ABCA10: variants seen among roughly 807,000 people sequenced by gnomAD.
ABCA10 encodes ATP-binding cassette sub-family A member 10.
ABCA10 carries 169 observed loss-of-function variants against 187.5 expected under a neutral mutation model. The observed-to-expected ratio is 0.90, with a 90% CI of 0.80 to 1.02. The LOEUF is 1.02. Among genes scored for constraint, ABCA10 ranks in the 50% least tolerant of loss-of-function variants. The probability of loss-of-function intolerance (pLI) is 0.00; values close to 1 mark genes in which losing one functional copy is unlikely to be tolerated. For missense variants in ABCA10, 1,727 were observed against 1,812.4 expected, an observed-to-expected ratio of 0.95 and a Z score of 0.86; for synonymous variants, 574 against 601.8, an observed-to-expected ratio of 0.95 and a Z score of 0.68.
chr17:69,216,856 T>C (rs1231676899), intron 6 of ABCA10, among the ~76,000 whole-genome samples: 1 of 152,204 alleles, frequency 6.6e-6, no homozygotes, highest in Non-Finnish European at 1.5e-5. Context: ...CATTTCATTT[T>C]TTATCCTTGT....
At chr17:69,152,306 T>G in intron 35 of ABCA10, 56 bp downstream of exon 35, 2 of 1,585,212 alleles carry the variant, frequency 1.3e-6, no homozygotes, top group South Asian at 2.4e-5. Flanking sequence ...CATAGCAAAC[T>G]GAAACTCTCT....
At chr17:69,212,253 C>T (rs1489929066) in intron 9 of ABCA10, among the ~76,000 whole-genome samples, 1 of 152,056 alleles carries the variant, frequency 6.6e-6, no homozygotes, top group Non-Finnish European at 1.5e-5. Context: ...CATTCAGGAG[C>T]AGGTTATTTA....
chr17:69,166,445 A>C (rs1347547437), intron 25 of ABCA10, among the ~76,000 whole-genome samples: 4 of 152,162 alleles, frequency 2.6e-5, no homozygotes, highest in Non-Finnish European at 5.9e-5. Flanking sequence ...GGACCATTGT[A>C]AAATAAGAAA....
rs973530812 is a variant in ABCA10, at chr17:69,210,839, T to A, written c.1006+3865A>T. 6.0e-3 allele frequency among the ~76,000 whole-genome samples: 187 copies of A among 31,042 alleles called. 14 individuals are homozygous for A. Among genetic ancestry groups the A allele is most frequent in the African/African-American group, 0.012 (176 of 15,084 alleles). 20.4% of individuals were successfully genotyped at this position (31,042 alleles called of 152,430 possible). A position where few individuals can be genotyped will look rare whatever the true frequency, so the allele number is the denominator to read the frequency against. ...ATACATATATATATATGCCACATAT[T>A]TATGCCACATATATATATATATATA... is the stretch of plus-strand genomic sequence containing the variant. On this transcript the variant is annotated intron_variant, in intron 9 of 38. Transcript: ENST00000690296.
chr17:69,197,214 A>G, intron 10 of ABCA10, 92 bp from the exon 11 acceptor site: 1 of 995,420 alleles, frequency 1.0e-6, no homozygotes, highest in Non-Finnish European at 1.5e-6. Context: ...ACTTCACAGT[A>G]AAGGGTATCA....
chr17:69,174,719 C>T lies in ABCA10; in HGVS notation c.2936G>A (p.Gly979Glu), dbSNP rs1568055975. The change falls in exon 24 of 39, where the codon GGA becomes GAA. Residue 979 changes from glycine to glutamate, a missense_variant. Gly to Glu is a moderately conservative substitution (Grantham distance 98). Transcript: ENST00000690296. ...TAATGGAATGTCCACCAGAGCCTGT[C>T]CACACCAGTATGCTGAAGGCCAGAG... ...SGLWPSAYWC[G>E]QALVDIPLYF... 5.0e-6 allele frequency: 8 copies of T among 1,611,704 alleles called. No homozygotes were observed. The highest frequency in any genetic ancestry group is 6.8e-6 in the Non-Finnish European group (8 of 1,178,734).
chr17:69,169,294 T>C (rs1248330550), intron 25 of ABCA10, among the ~76,000 whole-genome samples: 1 of 152,228 alleles, frequency 6.6e-6, no homozygotes, highest in African/African-American at 2.4e-5. Context: ...TAAGGGATAT[T>C]GTATCAGTCA....
intron 18 of ABCA10, 70 bp downstream of exon 18, chr17:69,190,288 T>C (rs1166652189): frequency 1.4e-6 from 2 of 1,443,004 alleles, no homozygotes; most frequent in African/African-American, 2.9e-5. Context: ...TCTACAAATA[T>C]GAATTAGAAC....
intron 18 of ABCA10, 91 bp downstream of exon 18, chr17:69,190,267 C>A (rs1598105320): frequency 7.4e-7 from 1 of 1,359,360 alleles, no homozygotes; most frequent in Non-Finnish European, 9.6e-7. Flanking sequence ...AGGTAGAAAT[C>A]CACATAAAAA....
chr17:69,222,442 C>T, intron 4 of ABCA10, 91 bp downstream of exon 4: 1 of 1,046,376 alleles, frequency 9.6e-7, no homozygotes, highest in South Asian at 2.0e-5. Context: ...TAATTCTTTA[C>T]TTGGTTGTAT....
intron 9 of ABCA10, among the ~76,000 whole-genome samples, chr17:69,210,838 T>TA (rs1568069859): frequency 0.23 from 5,364 of 23,776 alleles, 758 homozygotes; most frequent in African/African-American, 0.44. Context: ...ATGCCACATA[T>TA]TTATGCCACA....
chr17:69,242,495 C>T (rs182970189), intron 1 of ABCA10, among the ~76,000 whole-genome samples: 4 of 152,114 alleles, frequency 2.6e-5, no homozygotes, highest in South Asian at 2.1e-4. Flanking sequence ...GACAGAGTCT[C>T]GCTCTGCCGC....
At chr17:69,222,152 C>T (rs896831875) in intron 4 of ABCA10, among the ~76,000 whole-genome samples, 6 of 151,820 alleles carry the variant, frequency 4.0e-5, no homozygotes, top group East Asian at 3.9e-4. Context: ...GTCAGGAGTT[C>T]GAGACCAGCC....
At chr17:69,174,846 A>T (rs2074323234) in intron 23 of ABCA10, 69 bp from the exon 24 acceptor site, 1 of 1,348,432 alleles carries the variant, frequency 7.4e-7, no homozygotes, top group African/African-American at 1.5e-5. Flanking sequence ...ATGTAAAAAA[A>T]ATTGTTTAAT....
Position 69,197,000 on chromosome 17 carries a change from C to G in ABCA10, c.1234+64G>C. The G allele has an allele frequency of 4.3e-6, 5 of 1,160,452 alleles. No individual in the cohort carries two copies. In the East Asian group the frequency reaches 7.8e-5, roughly 18 times the overall value. 71.9% of individuals were successfully genotyped at this position (1,160,452 alleles called of 1,614,324 possible). A position where few individuals can be genotyped will look rare whatever the true frequency, so the allele number is the denominator to read the frequency against. ...CCTCCGCTTGGCATCAGAGGGAGAC[C>G]GTGGACAGAGGGAGGGGGAGGGGGA... On this transcript the variant is annotated intron_variant, in intron 11 of 38. Transcript: ENST00000690296.
intron 10 of ABCA10, among the ~76,000 whole-genome samples, chr17:69,200,505 C>T (rs1459210543): frequency 6.6e-6 from 1 of 152,074 alleles, no homozygotes; most frequent in Non-Finnish European, 1.5e-5. Context: ...TAAGTAAATA[C>T]CTAGGGAAGT....
chr17:69,173,229 A>C (rs892496871), intron 25 of ABCA10, among the ~76,000 whole-genome samples: 1 of 152,218 alleles, frequency 6.6e-6, no homozygotes, highest in South Asian at 2.1e-4. Context: ...CATTGATAAA[A>C]CTGGCCCAAG....
At chr17:69,239,488 T>C (rs987232773) in intron 1 of ABCA10, among the ~76,000 whole-genome samples, 2 of 152,168 alleles carry the variant, frequency 1.3e-5, no homozygotes, top group Non-Finnish European at 2.9e-5. Flanking sequence ...AGTATTGAGC[T>C]TTCTCAGACT....
intron 18 of ABCA10, 46 bp downstream of exon 18, chr17:69,190,312 C>T: frequency 6.7e-7 from 1 of 1,503,184 alleles, no homozygotes. Flanking sequence ...ATCTTTTTCT[C>T]TTCTCTTTTT....
Sources: allele counts gnomAD v4.1 joint callset (sites outside exome capture counted in the v4.1 genomes callset), GRCh38; gene constraint gnomAD v4.1.1; transcripts MANE v1.5; gene names NCBI Gene and HGNC (gene_info 2026-07-23, HGNC 2026-07-21).